Variants in LUZP2 observed in about 807,000 individuals in gnomAD.
LUZP2 encodes the protein leucine zipper protein 2.
A neutral mutation model predicts 51.6 loss-of-function variants in LUZP2; 52 were observed. The ratio of observed to expected loss-of-function variants is 1.01; its 90% CI spans 0.81 to 1.27. The LOEUF is 1.27. LUZP2 is among the 50% of genes most tolerant of loss of function. LUZP2 has a pLI of 0.00. For synonymous variants in LUZP2, 154 were observed against 137.3 expected (o/e 1.12, Z -0.85); for missense variants, 436 against 395.4 (o/e 1.10, Z -0.87).
chr11:24,581,857 G>A (rs1852868012), intron 1 of LUZP2, among the ~76,000 whole-genome samples: 2 of 152,026 alleles, frequency 1.3e-5, no homozygotes, highest in Non-Finnish European at 2.9e-5. Flanking sequence ...CTCATTAAGA[G>A]GAAACAGAGG....
intron 5 of LUZP2, among the ~76,000 whole-genome samples, chr11:24,803,130 G>A (rs1475030860): frequency 6.6e-6 from 1 of 151,938 alleles, no homozygotes; most frequent in African/African-American, 2.4e-5. Flanking sequence ...TGTTTGACAA[G>A]GGATTAATAC....
At chr11:24,562,221 G>A (rs761995495) in intron 1 of LUZP2, among the ~76,000 whole-genome samples, 1 of 151,968 alleles carries the variant, frequency 6.6e-6, no homozygotes, top group Non-Finnish European at 1.5e-5. Flanking sequence ...CTTTTGAAAC[G>A]CAAAGAGACA....
At chr11:24,690,183 A>G (rs900783806) in intron 1 of LUZP2, among the ~76,000 whole-genome samples, 12 of 152,114 alleles carry the variant, frequency 7.9e-5, no homozygotes, top group African/African-American at 2.9e-4. Context: ...TTAAATTAAT[A>G]ATCACATTAT....
chr11:24,706,523 C>T (rs988080518), intron 1 of LUZP2, among the ~76,000 whole-genome samples: 6 of 152,126 alleles, frequency 3.9e-5, no homozygotes, highest in African/African-American at 9.7e-5. Flanking sequence ...TTTCCATTCT[C>T]TTCCTGTGCG....
chr11:24,964,366 G>A (rs555498395), intron 7 of LUZP2, among the ~76,000 whole-genome samples: 1 of 152,242 alleles, frequency 6.6e-6, no homozygotes, highest in South Asian at 2.1e-4. Flanking sequence ...TTAGATAACA[G>A]GATGTATGTG....
At chr11:24,533,324 A>T (rs184708134) in intron 1 of LUZP2, among the ~76,000 whole-genome samples, 6 of 151,370 alleles carry the variant, frequency 4.0e-5, no homozygotes, top group Admixed American at 6.6e-5. Context: ...AAAGTATCGG[A>T]TCTTTTTTAA....
At chr11:25,042,918 C>A (rs1276629726) in intron 9 of LUZP2, among the ~76,000 whole-genome samples, 1 of 152,092 alleles carries the variant, frequency 6.6e-6, no homozygotes, top group Non-Finnish European at 1.5e-5. Flanking sequence ...AAGCTATAAC[C>A]ACCACGGTAT....
chr11:24,747,120 C>T (rs943679576), intron 4 of LUZP2, among the ~76,000 whole-genome samples: 6 of 152,046 alleles, frequency 3.9e-5, no homozygotes, highest in Non-Finnish European at 8.8e-5. Context: ...TGTTAAAGAG[C>T]CTTGCTTTGT....
chr11:24,821,036 T>A (rs932593705), intron 5 of LUZP2, among the ~76,000 whole-genome samples: 2 of 152,172 alleles, frequency 1.3e-5, no homozygotes, highest in Non-Finnish European at 2.9e-5. Flanking sequence ...TTTTGGAATG[T>A]CTTTTTCAAG....
rs553372649 is a variant in LUZP2, at chr11:24,570,792, A to G, written c.62+73487A>G. Among the ~76,000 whole-genome samples, 214 of 152,148 alleles carry G rather than the reference A, an allele frequency of 1.4e-3. 12 individuals are homozygous for G. The highest frequency in any genetic ancestry group is 3.4e-3 in the Middle Eastern group (1 of 294). On this transcript the variant is annotated intron_variant, in intron 1 of 11. Coordinates refer to ENST00000336930, the MANE Select transcript of LUZP2 (RefSeq NM_001009909.4). ...GGGAAGCCAAGAGGTGGAGTTCTAAATTTTCCACCTACTTTTCATATATAA... is the reference window on the plus strand; with the variant it reads ...GGGAAGCCAAGAGGTGGAGTTCTAAGTTTTCCACCTACTTTTCATATATAA...
intron 1 of LUZP2, among the ~76,000 whole-genome samples, chr11:24,702,623 G>C (rs1857450740): frequency 6.6e-6 from 1 of 152,106 alleles, no homozygotes; most frequent in Non-Finnish European, 1.5e-5. Context: ...AACTAAATGA[G>C]TGAGGCCTCA....
At chr11:24,699,515 T>G (rs896875513) in intron 1 of LUZP2, among the ~76,000 whole-genome samples, 2 of 151,990 alleles carry the variant, frequency 1.3e-5, no homozygotes, top group African/African-American at 4.8e-5. Context: ...GTTTGAGAAC[T>G]AGGAAGGTTG....
At chr11:24,780,718 G>A (rs370462740) in intron 5 of LUZP2, among the ~76,000 whole-genome samples, 2 of 152,062 alleles carry the variant, frequency 1.3e-5, no homozygotes, top group African/African-American at 4.8e-5. Flanking sequence ...TTGAACAACT[G>A]TCTTGTTTGT....
chr11:24,768,597 G>A (rs1860282764), intron 5 of LUZP2, among the ~76,000 whole-genome samples: 1 of 150,368 alleles, frequency 6.7e-6, no homozygotes, highest in Non-Finnish European at 1.5e-5. Flanking sequence ...CAAAATATCT[G>A]CATAGACATT....
At chr11:24,860,784 C>A (rs1020779120) in intron 5 of LUZP2, among the ~76,000 whole-genome samples, 3 of 152,096 alleles carry the variant, frequency 2.0e-5, no homozygotes, top group East Asian at 3.9e-4. Context: ...AAGGCCCCCC[C>A]AAAAACCCTC....
At chr11:24,598,041 C>T (rs898898635) in intron 1 of LUZP2, among the ~76,000 whole-genome samples, 6 of 149,668 alleles carry the variant, frequency 4.0e-5, no homozygotes, top group Non-Finnish European at 7.4e-5. Context: ...GCAGAGGTTG[C>T]GGTGAGCAGA....
chr11:24,975,586 G>A (rs1193539774), intron 7 of LUZP2, among the ~76,000 whole-genome samples: 1 of 151,994 alleles, frequency 6.6e-6, no homozygotes, highest in Admixed American at 6.6e-5. Context: ...TGGTGCAAAT[G>A]CTATATGTAT....
At chr11:24,643,572 T>C (rs1273197284) in intron 1 of LUZP2, among the ~76,000 whole-genome samples, 1 of 152,164 alleles carries the variant, frequency 6.6e-6, no homozygotes, top group African/African-American at 2.4e-5. Context: ...TCCTGCTTCA[T>C]GCCAACTACA....
intron 5 of LUZP2, among the ~76,000 whole-genome samples, chr11:24,853,266 T>A (rs1298025639): frequency 6.6e-6 from 1 of 152,152 alleles, no homozygotes; most frequent in African/African-American, 2.4e-5. Context: ...AACATGGGCC[T>A]GGTGGTGACA....
Sources: allele counts gnomAD v4.1 joint callset (sites outside exome capture counted in the v4.1 genomes callset), GRCh38; gene constraint gnomAD v4.1.1; transcripts MANE v1.5; gene names NCBI Gene and HGNC (gene_info 2026-07-23, HGNC 2026-07-21).